The following ANXA11 variants were observed in gnomAD, a reference collection of about 807,000 sequenced individuals.
ANXA11 encodes 56 kDa autoantigen.
In ANXA11, 57 loss-of-function variants were observed where a neutral mutation model predicts 64.7. That is an observed-to-expected ratio of 0.88 (90% CI 0.71 to 1.10). ANXA11 has a LOEUF of 1.10. Ranked by LOEUF, ANXA11 falls within the 50% of genes least tolerant of loss-of-function variation. The probability of loss-of-function intolerance (pLI) is 0.00; values close to 1 mark genes in which losing one functional copy is unlikely to be tolerated. For synonymous variants in ANXA11, 260 were observed against 265.2 expected (o/e 0.98, Z 0.19); for missense variants, 675 against 670.7 (o/e 1.01, Z -0.07).
chr10:80,164,745 T>TA (rs1845658141), intron 8 of ANXA11, among the ~76,000 whole-genome samples: 1 of 152,186 alleles, frequency 6.6e-6, no homozygotes, highest in Non-Finnish European at 1.5e-5. Context: ...GCACATTACT[T>TA]AACCTCTCTG....
intron 1 of ANXA11, among the ~76,000 whole-genome samples, chr10:80,186,585 C>G (rs552630764): frequency 6.6e-6 from 1 of 152,168 alleles, no homozygotes; most frequent in African/African-American, 2.4e-5. Context: ...AGTAAACCTG[C>G]CTGGGAGAGG....
intron 1 of ANXA11, among the ~76,000 whole-genome samples, chr10:80,176,683 C>T (rs1001949474): frequency 2.6e-5 from 4 of 152,200 alleles, no homozygotes; most frequent in Non-Finnish European, 5.9e-5. Flanking sequence ...CATTCAGTTC[C>T]AGGCAGCCTT....
chr10:80,198,714 C>T (rs570250128), intron 1 of ANXA11, among the ~76,000 whole-genome samples: 1 of 152,098 alleles, frequency 6.6e-6, no homozygotes, highest in East Asian at 1.9e-4. Flanking sequence ...CACTTAACCT[C>T]GACCCTGATT....
At chr10:80,156,419 C>T in intron 15 of ANXA11, 1 of 472,084 alleles carries the variant, frequency 2.1e-6, no homozygotes, top group Non-Finnish European at 4.4e-6. Context: ...CTAATCATTT[C>T]CTTCCACCCT....
chr10:80,158,550 T>C (rs917645048), intron 13 of ANXA11, among the ~76,000 whole-genome samples: 2 of 152,124 alleles, frequency 1.3e-5, no homozygotes, highest in Non-Finnish European at 2.9e-5. Context: ...GCAGACTGAT[T>C]TTCCCAAGTG....
rs1395509082 is a variant in ANXA11 at position 80,152,109 on chromosome 10, C to T, written c.*3744G>A. 1 of 152,134 alleles carries T rather than the reference C, an allele frequency of 6.6e-6. No individual in the cohort carries two copies. Among genetic ancestry groups the T allele is most frequent in the African/African-American group, 2.4e-5 (1 of 41,432 alleles). 9.4% of individuals were successfully genotyped at this position (152,134 alleles called of 1,614,324 possible). ...ATTTAATAGTGTTTCCTCCAGCGCC[C>T]CCACAGCTGCTGAAAATTCTCTCAG... On this transcript the variant is annotated 3_prime_UTR_variant, in exon 16 of 16. Transcript: ENST00000422982.
intron 1 of ANXA11, among the ~76,000 whole-genome samples, chr10:80,204,533 A>G (rs74145425): frequency 0.19 from 28,800 of 152,216 alleles, 3,014 homozygotes; most frequent in East Asian, 0.48. Context: ...AGAGAGGTCA[A>G]GGATTGGAGG....
At chr10:80,169,961 A>G (rs1379527093) in intron 4 of ANXA11, among the ~76,000 whole-genome samples, 21 of 152,206 alleles carry the variant, frequency 1.4e-4, no homozygotes, top group Non-Finnish European at 1.3e-4. Context: ...ACATCCATAC[A>G]GCACTTCCTT....
At chr10:80,156,477 T>C (rs1229317878) in intron 15 of ANXA11, 1 of 471,722 alleles carries the variant, frequency 2.1e-6, no homozygotes. Flanking sequence ...TGTCCATAGC[T>C]TGCTGGCATG....
At chr10:80,175,763 T>C (rs1846146318) in intron 2 of ANXA11, among the ~76,000 whole-genome samples, 1 of 152,080 alleles carries the variant, frequency 6.6e-6, no homozygotes, top group African/African-American at 2.4e-5. Context: ...CAATTAAAAA[T>C]ACACAGATGT....
intron 1 of ANXA11, among the ~76,000 whole-genome samples, chr10:80,182,205 C>CG (rs1343392169): frequency 2.1e-5 from 3 of 144,624 alleles, no homozygotes; most frequent in Admixed American, 7.0e-5. Context: ...GTGCTAATGG[C>CG]GGGGGGTGCA....
rs776582676 is a variant in ANXA11, at chr10:80,167,253, C to T, written c.622G>A (p.Val208Ile). The change falls in exon 6 of 16, where the codon GTC becomes ATC. Residue 208 changes from valine (V) to isoleucine (I), a missense_variant. Transcript: ENST00000422982. ...PGFDPLRDAE[V>I]LRKAMKGFGT... ...AAGCCTTTCATGGCCTTCCGCAGGA[C>T]CTCGGCATCTCGCAGGGGGTCAAAG... 2.5e-6 allele frequency: 4 copies of T among 1,614,082 alleles called. No individual in the cohort carries two copies. Among genetic ancestry groups the T allele is most frequent in the Admixed American group, 1.7e-5 (1 of 60,004 alleles).
At chr10:80,166,012 ACACGCATG>A in intron 8 of ANXA11, 64 bp downstream of exon 8, 1 of 930,744 alleles carries the variant, frequency 1.1e-6, no homozygotes, top group South Asian at 1.5e-5. Flanking sequence ...CTGTGTGTCC[ACACGCATG>A]CGCGCGTGCG....
At chr10:80,173,692 C>T (rs1362771993) in intron 2 of ANXA11, among the ~76,000 whole-genome samples, 2 of 152,224 alleles carry the variant, frequency 1.3e-5, no homozygotes, top group Non-Finnish European at 2.9e-5. Flanking sequence ...AACCTGCCTG[C>T]TCTTGCTAAT....
At chr10:80,200,750 G>A (rs1840384122) in intron 1 of ANXA11, among the ~76,000 whole-genome samples, 1 of 152,150 alleles carries the variant, frequency 6.6e-6, no homozygotes, top group South Asian at 2.1e-4. Context: ...TTTAATACCA[G>A]CCAGGTGCAG....
Position 80,166,097 on chromosome 10 carries a change from T to G in ANXA11, c.845A>C (p.Lys282Thr). ...ACACGTACACACCTTGATGGCTTCC[T>G]TTATCTCATAAATGTCAAAGAGGAC... is the stretch of plus-strand genomic sequence containing the variant. ...TPVLFDIYEI[K>T]EAIKGVGTDE... Residue 282 changes from lysine to threonine, a missense_variant, in exon 8 of 16, where the codon AAG (lysine) becomes ACG (threonine). Transcript: ENST00000422982. The G allele has an allele frequency of 6.2e-7, 1 of 1,601,472 alleles. No homozygotes were observed. Among genetic ancestry groups the G allele is most frequent in the Non-Finnish European group, 8.6e-7 (1 of 1,169,534 alleles).
rs1317644131 is a variant in ANXA11, at chr10:80,152,401, CA to C, written c.*3451del. ...GAGGCATTCATGCAGTCCTCCAGCC[CA>C]TACTTAACATGGGTTGGATCTCTTG... is the stretch of plus-strand genomic sequence containing the variant. On this transcript the variant is annotated 3_prime_UTR_variant, in exon 16 of 16. Coordinates refer to ENST00000422982, the MANE Select transcript of ANXA11 (RefSeq NM_145868.2). The C allele has an allele frequency of 6.6e-6, 1 of 152,258 alleles. No homozygotes were observed. The highest frequency in any genetic ancestry group is 1.5e-5 in the Non-Finnish European group (1 of 68,088). The allele number at this position is 152,258 out of a possible 1,614,324, so 9.4% of individuals were successfully genotyped here.
chr10:80,162,035 A>G lies in ANXA11; in HGVS notation c.1087-7T>C. 6.2e-7 allele frequency: 1 copy of G among 1,607,812 alleles called. No individual in the cohort carries two copies. The highest frequency in any genetic ancestry group is 8.5e-7 in the Non-Finnish European group (1 of 1,178,160). ...CCCCGGCCGCATACAGCTCCTGGAGAGAGAGGAAGACGCACATGTGGCACA... is the reference window on the plus strand; with the variant it reads ...CCCCGGCCGCATACAGCTCCTGGAGGGAGAGGAAGACGCACATGTGGCACA... On this transcript the variant is annotated splice_polypyrimidine_tract_variant and splice_region_variant and intron_variant, in intron 11 of 15. Coordinates refer to ENST00000422982, the MANE Select transcript of ANXA11 (RefSeq NM_145868.2).
chr10:80,160,386 C>A (rs1246717389), intron 12 of ANXA11, among the ~76,000 whole-genome samples: 6 of 152,204 alleles, frequency 3.9e-5, no homozygotes, highest in South Asian at 2.1e-4. Flanking sequence ...TAGCTGTGCA[C>A]CCCTACTTCC....
Sources: allele counts gnomAD v4.1 joint callset (sites outside exome capture counted in the v4.1 genomes callset), GRCh38; gene constraint gnomAD v4.1.1; transcripts MANE v1.5; gene names NCBI Gene and HGNC (gene_info 2026-07-23, HGNC 2026-07-21).